SLC24A2: variants seen among roughly 807,000 people sequenced by gnomAD.
SLC24A2 encodes the protein sodium/potassium/calcium exchanger 2.
SLC24A2 carries 36 observed loss-of-function variants against 62.0 expected under a neutral mutation model. That is an observed-to-expected ratio of 0.58 (90% CI 0.44 to 0.77). The LOEUF is 0.77. SLC24A2 is among the 30% of genes least tolerant of loss of function. SLC24A2 has a pLI of 0.00. For synonymous variants in SLC24A2, 358 were observed against 294.0 expected (o/e 1.22, Z -2.23); for missense variants, 846 against 817.9 (o/e 1.03, Z -0.42).
chr9:20,239,972 G>T, the SLC24A2 span, among the ~76,000 whole-genome samples: 1 of 151,620 alleles, frequency 6.6e-6, no homozygotes, highest in Non-Finnish European at 1.5e-5. Flanking sequence ...GGTTAGGAAA[G>T]GGTTACCCTG....
At chr9:20,280,658 C>A in the SLC24A2 span, among the ~76,000 whole-genome samples, 1 of 152,018 alleles carries the variant, frequency 6.6e-6, no homozygotes, top group Non-Finnish European at 1.5e-5. Context: ...TGTGGGTTAC[C>A]GAAAGACATG....
chr9:19,853,164 C>T, the SLC24A2 span, among the ~76,000 whole-genome samples: 11 of 151,798 alleles, frequency 7.2e-5, no homozygotes, highest in African/African-American at 2.7e-4. Flanking sequence ...GGTTTTATAT[C>T]TGAGAACTTG....
intron 7 of SLC24A2, among the ~76,000 whole-genome samples, chr9:19,571,386 C>CA (rs1835832492): frequency 6.6e-6 from 1 of 151,806 alleles, no homozygotes; most frequent in Admixed American, 6.6e-5. Context: ...ATAAGGGTAA[C>CA]AGGCAACAAT....
intron 2 of SLC24A2, among the ~76,000 whole-genome samples, chr9:19,762,647 T>C (rs1399195285): frequency 2.0e-5 from 3 of 152,108 alleles, no homozygotes; most frequent in African/African-American, 7.2e-5. Context: ...CTGAGGCCTC[T>C]ATTCTGTTCC....
At position 19,508,546 on chromosome 9, in the gene SLC24A2, A is replaced by G. The variant is rs910801925; in HGVS notation, c.*7607T>C. 3 of 152,268 alleles carry G rather than the reference A, an allele frequency of 2.0e-5. No individual in the cohort carries two copies. Among genetic ancestry groups the G allele is most frequent in the Non-Finnish European group, 4.4e-5 (3 of 68,082 alleles). The allele number at this position is 152,268 out of a possible 1,614,324, so 9.4% of individuals were successfully genotyped here. On this transcript the variant is annotated 3_prime_UTR_variant, in exon 11 of 11. Transcript: ENST00000341998. ...GGTGGCTCATTCCTTTAATCCCAGC[A>G]CTTTGGGAGGCCAAAGCAGGAGGAT...
chr9:20,204,170 G>A, the SLC24A2 span, among the ~76,000 whole-genome samples: 80 of 152,310 alleles, frequency 5.3e-4, no homozygotes, highest in African/African-American at 1.8e-3. Flanking sequence ...TCATTGAATT[G>A]CATTAACTAG....
At chr9:20,073,916 GGA>G in the SLC24A2 span, among the ~76,000 whole-genome samples, 2 of 98,192 alleles carry the variant, frequency 2.0e-5, no homozygotes, top group East Asian at 3.8e-4. Flanking sequence ...ATCCTTGTGG[GGA>G]GATATATATA....
chr9:19,811,028 G>A, the SLC24A2 span, among the ~76,000 whole-genome samples: 1 of 152,110 alleles, frequency 6.6e-6, no homozygotes. Context: ...TTTCAAATAA[G>A]TTACGGACTG....
At chr9:19,626,517 A>G (rs1020300119) in intron 2 of SLC24A2, among the ~76,000 whole-genome samples, 10 of 152,226 alleles carry the variant, frequency 6.6e-5, no homozygotes, top group African/African-American at 2.2e-4. Flanking sequence ...CCACTTTAAC[A>G]TTCCACCAAG....
At chr9:19,551,453 G>A (rs1161586038) in intron 7 of SLC24A2, among the ~76,000 whole-genome samples, 1 of 152,106 alleles carries the variant, frequency 6.6e-6, no homozygotes, top group Non-Finnish European at 1.5e-5. Context: ...TGTCAGCTGA[G>A]CCCTCAATAC....
At chr9:20,180,410 T>C in the SLC24A2 span, among the ~76,000 whole-genome samples, 1 of 152,178 alleles carries the variant, frequency 6.6e-6, no homozygotes, top group Non-Finnish European at 1.5e-5. Context: ...GTCTTTGTAA[T>C]AAACTCATAT....
the SLC24A2 span, among the ~76,000 whole-genome samples, chr9:19,905,858 C>T: frequency 1.8e-4 from 28 of 152,210 alleles, no homozygotes; most frequent in African/African-American, 6.3e-4. Flanking sequence ...CAAGAGGTCA[C>T]AGAAAAGAAG....
the SLC24A2 span, among the ~76,000 whole-genome samples, chr9:20,000,498 T>C: frequency 2.0e-5 from 3 of 152,164 alleles, no homozygotes; most frequent in African/African-American, 7.2e-5. Flanking sequence ...AAAAAGTTTA[T>C]CCAGTCTCAT....
chr9:20,268,489 G>C, the SLC24A2 span, among the ~76,000 whole-genome samples: 20,223 of 152,022 alleles, frequency 0.13, 2,345 homozygotes, highest in East Asian at 0.51. Context: ...GAGTGGCACT[G>C]AAGGGTTTAT....
the SLC24A2 span, among the ~76,000 whole-genome samples, chr9:20,228,980 G>A: frequency 6.6e-6 from 1 of 152,080 alleles, no homozygotes; most frequent in Non-Finnish European, 1.5e-5. Flanking sequence ...AGGCCTCTGG[G>A]GGAGGAAAGG....
At chr9:19,838,868 A>T in the SLC24A2 span, among the ~76,000 whole-genome samples, 1 of 152,142 alleles carries the variant, frequency 6.6e-6, no homozygotes, top group East Asian at 1.9e-4. Context: ...AGCAATGGCA[A>T]CAAAAGCCGA....
At chr9:20,087,717 C>A in the SLC24A2 span, among the ~76,000 whole-genome samples, 187 of 152,324 alleles carry the variant, frequency 1.2e-3, 1 homozygote, top group Middle Eastern at 0.017. Flanking sequence ...CTAGAAGCAG[C>A]TAGTGTGCAC....
At chr9:19,604,831 A>G (rs1227102069) in intron 4 of SLC24A2, among the ~76,000 whole-genome samples, 1 of 152,210 alleles carries the variant, frequency 6.6e-6, no homozygotes, top group Admixed American at 6.5e-5. Context: ...TCTACACTAC[A>G]GTATTGTCTG....
At chr9:20,148,317 A>T in the SLC24A2 span, among the ~76,000 whole-genome samples, 1 of 152,228 alleles carries the variant, frequency 6.6e-6, no homozygotes, top group African/African-American at 2.4e-5. Flanking sequence ...ATAAAATAAA[A>T]CTAAGTGAAA....
Sources: allele counts gnomAD v4.1 joint callset (sites outside exome capture counted in the v4.1 genomes callset), GRCh38; gene constraint gnomAD v4.1.1; transcripts MANE v1.5; gene names NCBI Gene and HGNC (gene_info 2026-07-23, HGNC 2026-07-21).